MALRD1: variants seen among roughly 807,000 people sequenced by gnomAD.
MALRD1 encodes the protein MAM and LDL-receptor class A domain-containing protein 1.
In MALRD1, 247 loss-of-function variants were observed where a neutral mutation model predicts 242.1. The observed-to-expected ratio is 1.02, with a 90% CI of 0.92 to 1.13. The LOEUF (loss-of-function observed/expected upper bound fraction) is 1.13. MALRD1 is among the 50% of genes most tolerant of loss of function. The pLI is 0.00. For synonymous variants in MALRD1, 995 were observed against 866.6 expected (o/e 1.15, Z -2.60); for missense variants, 2,989 against 2,533.1 (o/e 1.18, Z -3.86).
rs1196184777 is a variant in MALRD1, at chr10:19,389,532, T to C, written c.4768T>C (p.Ser1590Pro). ...AHFRSTMWRESSAACTMSFWY... is the reference protein window; with the variant it reads ...AHFRSTMWREPSAACTMSFWY... ...CTTCAGGAGTACCATGTGGCGAGAA[T>C]CCAGTGCAGCCTGCACCATGAGCTT... The change falls in exon 28 of 40, where the codon TCC becomes CCC. Residue 1590 changes from serine (S) to proline (P), a missense_variant. Coordinates refer to ENST00000454679, the MANE Select transcript of MALRD1 (RefSeq NM_001142308.3). 6.4e-7 allele frequency: 1 copy of C among 1,550,654 alleles called. No homozygotes were observed. Among genetic ancestry groups the C allele is most frequent in the East Asian group, 2.4e-5 (1 of 40,908 alleles).
chr10:19,085,877 T>C lies in MALRD1; in HGVS notation c.341-1963T>C, dbSNP rs181710891. On this transcript the variant is annotated intron_variant, in intron 2 of 39. Transcript: ENST00000454679. ...ATTCTTTTTAGTAGTTGAATATTTATAAACAATAATTTAGAGCCGACTGAA... is the reference window on the plus strand; with the variant it reads ...ATTCTTTTTAGTAGTTGAATATTTACAAACAATAATTTAGAGCCGACTGAA... 2.0e-5 allele frequency among the ~76,000 whole-genome samples: 3 copies of C among 152,128 alleles called. No homozygotes were observed. In the East Asian group the frequency reaches 5.8e-4, roughly 29 times the overall value.
At chr10:19,476,446 AAGACATGCCCACTGAG>A (rs1836737149) in intron 29 of MALRD1, among the ~76,000 whole-genome samples, 1 of 152,032 alleles carries the variant, frequency 6.6e-6, no homozygotes, top group Non-Finnish European at 1.5e-5. Flanking sequence ...TCCAGCTAAG[AAGACATGCCCACTGAG>A]AGACATACTC....
At chr10:19,062,418 C>T (rs1834849323) in intron 1 of MALRD1, among the ~76,000 whole-genome samples, 1 of 152,182 alleles carries the variant, frequency 6.6e-6, no homozygotes, top group South Asian at 2.1e-4. Flanking sequence ...ATAGCATTTT[C>T]ACTTCTTGAT....
At chr10:19,473,632 G>T (rs755049050) in intron 29 of MALRD1, among the ~76,000 whole-genome samples, 12 of 151,938 alleles carry the variant, frequency 7.9e-5, no homozygotes, top group Non-Finnish European at 1.3e-4. Flanking sequence ...AGCTTATTCT[G>T]TTGTAGCCTG....
At chr10:19,707,182 GCCT>G (rs1833904406) in intron 38 of MALRD1, among the ~76,000 whole-genome samples, 1 of 138,212 alleles carries the variant, frequency 7.2e-6, no homozygotes, top group African/African-American at 2.7e-5. Flanking sequence ...CTCCTCCTCT[GCCT>G]CCTCCTCCTT....
chr10:19,505,698 T>C (rs769111224), intron 31 of MALRD1, among the ~76,000 whole-genome samples: 4 of 152,156 alleles, frequency 2.6e-5, no homozygotes, highest in Non-Finnish European at 5.9e-5. Context: ...AATAGGGAAA[T>C]TGGCCCTGCT....
chr10:19,490,530 G>GGT (rs1837442912), intron 29 of MALRD1, among the ~76,000 whole-genome samples: 1 of 132,608 alleles, frequency 7.5e-6, no homozygotes, highest in Non-Finnish European at 1.6e-5. Flanking sequence ...GGTTATGGGG[G>GGT]TGAGGGTAGA....
At chr10:19,172,026 ATCAC>A (rs774456871) in intron 13 of MALRD1, among the ~76,000 whole-genome samples, 6,036 of 38,870 alleles carry the variant, frequency 0.16, 471 homozygotes, top group Admixed American at 0.22. Context: ...TATATCATAT[ATCAC>A]ATATATGTGA....
chr10:19,113,932 C>G (rs2131360236), intron 5 of MALRD1, among the ~76,000 whole-genome samples: 1 of 152,142 alleles, frequency 6.6e-6, no homozygotes, highest in Non-Finnish European at 1.5e-5. Context: ...TTTGTGGACC[C>G]TAGAACAGAA....
chr10:19,311,848 G>A (rs1842440775), intron 21 of MALRD1, among the ~76,000 whole-genome samples: 1 of 151,402 alleles, frequency 6.6e-6, no homozygotes, highest in Non-Finnish European at 1.5e-5. Flanking sequence ...TGCTAGCATT[G>A]CCTTAGAATA....
intron 29 of MALRD1, among the ~76,000 whole-genome samples, chr10:19,459,923 A>G (rs1835849214): frequency 6.6e-6 from 1 of 151,970 alleles, no homozygotes. Flanking sequence ...CCCTTGAAAT[A>G]TCCCTAGGTT....
chr10:19,449,218 C>T (rs529255404), intron 28 of MALRD1, among the ~76,000 whole-genome samples: 4 of 152,234 alleles, frequency 2.6e-5, no homozygotes, highest in Non-Finnish European at 4.4e-5. Flanking sequence ...CACTCTGTTG[C>T]CAGGCTGGAG....
chr10:19,509,979 A>C (rs952393067), intron 31 of MALRD1, among the ~76,000 whole-genome samples: 1 of 152,204 alleles, frequency 6.6e-6, no homozygotes, highest in African/African-American at 2.4e-5. Context: ...GAGTTCCCTC[A>C]GTATTTATTG....
At chr10:19,182,946 A>G (rs1835574306) in intron 14 of MALRD1, among the ~76,000 whole-genome samples, 1 of 152,200 alleles carries the variant, frequency 6.6e-6, no homozygotes, top group Non-Finnish European at 1.5e-5. Flanking sequence ...TCTGAAATGT[A>G]TTAAATTGCT....
At chr10:19,425,540 G>A (rs1833873089) in intron 28 of MALRD1, among the ~76,000 whole-genome samples, 1 of 151,602 alleles carries the variant, frequency 6.6e-6, no homozygotes, top group African/African-American at 2.4e-5. Flanking sequence ...TTAAACCAAA[G>A]GCTGACAAGT....
chr10:19,194,016 A>G (rs777751235), intron 14 of MALRD1, among the ~76,000 whole-genome samples: 11 of 151,810 alleles, frequency 7.2e-5, no homozygotes, highest in Non-Finnish European at 1.0e-4. Context: ...CTACATTACT[A>G]TAGTATACTG....
chr10:19,573,514 G>A (rs1476480730), intron 33 of MALRD1, among the ~76,000 whole-genome samples: 1 of 152,076 alleles, frequency 6.6e-6, no homozygotes, highest in African/African-American at 2.4e-5. Context: ...GCAGGGATTC[G>A]CCGCCTCCCT....
rs570199221 is a variant in MALRD1, at chr10:19,373,110, A to G, written c.4442-14418A>G. Among the ~76,000 whole-genome samples the G allele has an allele frequency of 7.3e-4, 111 of 151,646 alleles. 1 individual carries two copies. Among genetic ancestry groups the G allele is most frequent in the African/African-American group, 2.7e-3 (110 of 41,320 alleles). On this transcript the variant is annotated intron_variant, in intron 26 of 39. Transcript: ENST00000454679. The stretch of plus-strand genomic sequence containing the variant: ...CTTTTGGAGAAAAAATAATTCATTG[A>G]TGAAATTTCAGTAGACAAAGCAGAA...
intron 18 of MALRD1, among the ~76,000 whole-genome samples, chr10:19,247,776 A>G (rs1839126888): frequency 1.3e-5 from 2 of 152,120 alleles, no homozygotes. Flanking sequence ...TTCAAATGAA[A>G]TACTATAACT....
Sources: gnomAD v4.1 joint callset for allele counts (sites outside exome capture counted in the v4.1 genomes callset) on GRCh38, gnomAD v4.1.1 for gene constraint, MANE v1.5 for transcripts, NCBI Gene and HGNC (gene_info 2026-07-23, HGNC 2026-07-21) for gene names.